Variants in DLGAP5 observed in about 807,000 individuals in gnomAD.
DLGAP5 encodes the protein disks large-associated protein 5.
DLGAP5 carries 90 observed loss-of-function variants against 99.6 expected under a neutral mutation model. The observed-to-expected ratio is 0.90, with a 90% confidence interval of 0.76 to 1.08. The LOEUF (loss-of-function observed/expected upper bound fraction) is 1.08. Among genes scored for constraint, DLGAP5 ranks in the 50% least tolerant of loss-of-function variants. The pLI, the probability that DLGAP5 is intolerant of heterozygous loss-of-function variation, is 0.00. For missense variants in DLGAP5, 1,036 were observed against 983.5 expected, an observed-to-expected ratio of 1.05 and a Z score of -0.71; for synonymous variants, 311 against 321.3, an observed-to-expected ratio of 0.97 and a Z score of 0.34.
intron 4 of DLGAP5, among the ~76,000 whole-genome samples, chr14:55,181,752 C>G (rs1252070962): frequency 6.6e-6 from 1 of 152,190 alleles, no homozygotes; most frequent in Admixed American, 6.5e-5. Context: ...CTACCCCATA[C>G]CTATTTCTAG....
intron 12 of DLGAP5, among the ~76,000 whole-genome samples, chr14:55,167,959 G>A (rs900004837): frequency 1.3e-5 from 2 of 152,068 alleles, no homozygotes; most frequent in Non-Finnish European, 2.9e-5. Context: ...ACACTCAACA[G>A]GCTCCTTCAT....
At chr14:55,178,669 G>A (rs1198400820) in intron 7 of DLGAP5, among the ~76,000 whole-genome samples, 1 of 152,208 alleles carries the variant, frequency 6.6e-6, no homozygotes, top group Non-Finnish European at 1.5e-5. Flanking sequence ...AAGATTCACT[G>A]TGTGTTTCCT....
chr14:55,190,824 A>C (rs1338318390), intron 1 of DLGAP5, among the ~76,000 whole-genome samples: 1 of 152,234 alleles, frequency 6.6e-6, no homozygotes, highest in East Asian at 1.9e-4. Context: ...ATCTCCTGCA[A>C]TATTAATTCG....
intron 18 of DLGAP5, among the ~76,000 whole-genome samples, chr14:55,149,820 G>C (rs967146059): frequency 2.9e-5 from 4 of 137,264 alleles, no homozygotes; most frequent in East Asian, 2.5e-4. Context: ...CGGGGCGGGG[G>C]GGGGGCATCA....
intron 8 of DLGAP5, among the ~76,000 whole-genome samples, chr14:55,176,775 G>A (rs942327943): frequency 1.3e-5 from 2 of 151,576 alleles, no homozygotes; most frequent in Admixed American, 6.6e-5. Flanking sequence ...TCAGGAGATC[G>A]AGACCATCCT....
chr14:55,168,881 A>G (rs1162467992), intron 12 of DLGAP5, among the ~76,000 whole-genome samples: 1 of 152,186 alleles, frequency 6.6e-6, no homozygotes, highest in East Asian at 1.9e-4. Flanking sequence ...TTCAACCTAT[A>G]TAGAAATTAT....
chr14:55,157,263 G>C (rs536455971), intron 14 of DLGAP5, among the ~76,000 whole-genome samples: 2 of 152,146 alleles, frequency 1.3e-5, no homozygotes, highest in African/African-American at 4.8e-5. Flanking sequence ...GTATATGAAA[G>C]AACAGAATGA....
intron 18 of DLGAP5, 94 bp downstream of exon 18, chr14:55,150,705 T>C (rs1336353427): frequency 6.3e-6 from 6 of 959,810 alleles, no homozygotes; most frequent in South Asian, 5.4e-5. Context: ...TGACAAGATA[T>C]ACATTTTAAG....
intron 5 of DLGAP5, 26 bp from the exon 6 acceptor site, chr14:55,180,804 C>A (rs763344081): frequency 6.2e-7 from 1 of 1,613,778 alleles, no homozygotes; most frequent in Admixed American, 1.7e-5. Context: ...ATAACTACAT[C>A]AAATGTCCCT....
intron 18 of DLGAP5, chr14:55,148,753 T>C (rs191451854): frequency 2.1e-6 from 1 of 466,892 alleles, no homozygotes; most frequent in Admixed American, 3.6e-5. Flanking sequence ...TAAACAACAA[T>C]GATTATGCTA....
rs763912100 is a variant in DLGAP5 at position 55,179,608 on chromosome 14, A to G, written c.774+21T>C. 8 of 1,590,034 alleles carry G rather than the reference A, an allele frequency of 5.0e-6. No individual in the cohort carries two copies. In the Admixed American group the frequency reaches 1.4e-4, roughly 28 times the overall value. Reference sequence around the variant, plus strand: ...TGAGATTTTCAAAGCATCTAGAATTAAAAAGATGTTTATTCTCTACCTTGT... The same window carrying G: ...TGAGATTTTCAAAGCATCTAGAATTGAAAAGATGTTTATTCTCTACCTTGT... On this transcript the variant is annotated intron_variant, in intron 7 of 18. Coordinates refer to ENST00000247191, the MANE Select transcript of DLGAP5 (RefSeq NM_014750.5).
At chr14:55,190,930 C>T (rs890523241) in intron 1 of DLGAP5, 3 of 152,230 alleles carry the variant, frequency 2.0e-5, no homozygotes, top group Non-Finnish European at 4.4e-5. Context: ...ATTAAAGGTA[C>T]AATTATCAGA....
Position 55,158,551 on chromosome 14 carries a change from C to T in DLGAP5, c.1844G>A (p.Arg615Lys), listed in dbSNP as rs1566495782. The change falls in exon 14 of 19, where the codon AGA becomes AAA. Residue 615 changes from arginine (R) to lysine (K), a missense_variant. By Grantham distance (26) the Arg-to-Lys change is conservative. Coordinates refer to ENST00000247191, the MANE Select transcript of DLGAP5 (RefSeq NM_014750.5). ...DKIVFDAGFF[R>K]VESPVKLFSG... is the part of the protein sequence containing the mutation. ...GAATAATTTAACAGGACTTTCAACT[C>T]TGAAAAATCCAGCATCGAACACTAT... 2.5e-6 allele frequency: 4 copies of T among 1,613,954 alleles called. No homozygotes were observed. Among genetic ancestry groups the T allele is most frequent in the Non-Finnish European group, 3.4e-6 (4 of 1,179,924 alleles).
At chr14:55,160,627 A>G (rs1882392899) in intron 13 of DLGAP5, among the ~76,000 whole-genome samples, 1 of 151,354 alleles carries the variant, frequency 6.6e-6, no homozygotes, top group Non-Finnish European at 1.5e-5. Context: ...TTTTATTTTT[A>G]GTAGAGACAG....
intron 7 of DLGAP5, 139 bp from the exon 8 acceptor site, chr14:55,177,475 T>A: frequency 1.4e-6 from 1 of 704,940 alleles, no homozygotes; most frequent in Non-Finnish European, 2.2e-6. Context: ...CAGATACAAT[T>A]AAGTGTATAC....
intron 12 of DLGAP5, among the ~76,000 whole-genome samples, chr14:55,167,033 TC>T (rs1163627910): frequency 2.6e-5 from 4 of 151,778 alleles, no homozygotes; most frequent in Non-Finnish European, 4.4e-5. Flanking sequence ...GGCAGGCAGG[TC>T]ACTTGAGGTC....
At position 55,170,781 on chromosome 14, in the gene DLGAP5, G is replaced by A. The variant is rs1882831820; in HGVS notation, c.1308C>T (p.Ile436=). 2 of 1,613,034 alleles carry A rather than the reference G, an allele frequency of 1.2e-6. No homozygotes were observed. The highest frequency in any genetic ancestry group is 1.7e-6 in the Non-Finnish European group (2 of 1,179,224). Residue 436 remains isoleucine (I), a synonymous_variant, in exon 11 of 19, where the codon ATC becomes ATT. Coordinates refer to ENST00000247191, the MANE Select transcript of DLGAP5 (RefSeq NM_014750.5). ...TTAATTTCTCAGTTTCTGACTGGAGGATATTTCTAAAATTATGACATACAT... is the reference window on the plus strand; with the variant it reads ...TTAATTTCTCAGTTTCTGACTGGAGAATATTTCTAAAATTATGACATACAT... ...PHHGVPYFRN[I]LQSETEKLTS... is the part of the protein sequence containing the mutation.
At chr14:55,188,321 C>A (rs1478221865) in intron 2 of DLGAP5, among the ~76,000 whole-genome samples, 1 of 152,048 alleles carries the variant, frequency 6.6e-6, no homozygotes, top group African/African-American at 2.4e-5. Context: ...TGAGATTATT[C>A]CTTTCTTCTT....
At chr14:55,185,106 C>T (rs970455949) in intron 2 of DLGAP5, among the ~76,000 whole-genome samples, 1 of 152,162 alleles carries the variant, frequency 6.6e-6, no homozygotes, top group Non-Finnish European at 1.5e-5. Context: ...GGTAATTTCT[C>T]CCAACCTACA....
Sources: gnomAD v4.1 joint callset for allele counts (sites outside exome capture counted in the v4.1 genomes callset) on GRCh38, gnomAD v4.1.1 for gene constraint, MANE v1.5 for transcripts, NCBI Gene and HGNC (gene_info 2026-07-23, HGNC 2026-07-21) for gene names.